The following GOLIM4 variants were observed in gnomAD, a reference collection of about 807,000 sequenced individuals.
GOLIM4 encodes the protein golgi integral membrane protein 4, also known as 130 kDa golgi-localized phosphoprotein.
A neutral mutation model predicts 107.4 loss-of-function variants in GOLIM4; 71 were observed. That is an observed-to-expected ratio of 0.66 (90% CI 0.55 to 0.81). The LOEUF is 0.81. Ranked by LOEUF, GOLIM4 falls within the 30% of genes least tolerant of loss-of-function variation. The pLI is 0.00. For synonymous variants in GOLIM4, 327 were observed against 294.8 expected, an observed-to-expected ratio of 1.11 and a Z score of -1.12; for missense variants, 830 against 826.1, an observed-to-expected ratio of 1.00 and a Z score of -0.06.
Position 168,042,017 on chromosome 3 carries a change from G to C in GOLIM4, c.518-543C>G, listed in dbSNP as rs115269218. 7.9e-3 allele frequency among the ~76,000 whole-genome samples: 1,206 copies of C among 152,102 alleles called. 8 individuals are homozygous for C. The highest frequency in any genetic ancestry group is 0.031 in the Middle Eastern group (9 of 294). Reference sequence around the variant, plus strand: ...ACTTTTTTTGAAATGCTATATTATAGAGAAATGTTGCAAAAAACATATAGA... The same window carrying C: ...ACTTTTTTTGAAATGCTATATTATACAGAAATGTTGCAAAAAACATATAGA... On this transcript the variant is annotated intron_variant, in intron 5 of 15. Coordinates refer to ENST00000470487, the MANE Select transcript of GOLIM4 (RefSeq NM_014498.5).
chr3:168,040,921 C>A (rs778999063), intron 6 of GOLIM4, 52 bp from the exon 7 acceptor site: 4 of 1,188,118 alleles, frequency 3.4e-6, no homozygotes, highest in Non-Finnish European at 5.0e-6. Context: ...ACGACAAATT[C>A]TTCTTTGGCT....
chr3:168,048,238 C>G (rs954210922), intron 2 of GOLIM4, 53 bp downstream of exon 2: 2 of 928,268 alleles, frequency 2.2e-6, no homozygotes, highest in Non-Finnish European at 3.4e-6. Context: ...GTATATGATA[C>G]GTCAAAGAAG....
rs545324409 is a variant in GOLIM4 at position 168,059,582 on chromosome 3, TG to T, written c.188-11218del. Among the ~76,000 whole-genome samples, 373 of 152,318 alleles carry T rather than the reference TG, an allele frequency of 2.4e-3. 3 individuals carry two copies. The highest frequency in any genetic ancestry group is 8.5e-3 in the African/African-American group (353 of 41,562). On this transcript the variant is annotated intron_variant, in intron 1 of 15. Coordinates refer to ENST00000470487, the MANE Select transcript of GOLIM4 (RefSeq NM_014498.5). ...ATATGCCAAGCACTGTTCAGATATA[TG>T]GGGACATACTGTAAGTAAAACATAA...
intron 3 of GOLIM4, 137 bp from the exon 4 acceptor site, chr3:168,045,018 T>C (rs1448511936): frequency 3.7e-6 from 2 of 544,888 alleles, no homozygotes; most frequent in Non-Finnish European, 6.3e-6. Context: ...TGAACCAAGA[T>C]GTCGCTGGAG....
intron 1 of GOLIM4, among the ~76,000 whole-genome samples, chr3:168,087,227 A>G (rs1721674488): frequency 6.6e-6 from 1 of 152,176 alleles, no homozygotes; most frequent in African/African-American, 2.4e-5. Context: ...TAAATGAAAA[A>G]TCTGATTTAC....
At position 168,010,792 on chromosome 3, in the gene GOLIM4, C is replaced by CT; in HGVS notation, c.1891dup (p.Arg631LysfsTer6). 2 of 1,611,934 alleles carry CT rather than the reference C, an allele frequency of 1.2e-6. No homozygotes were observed. Among genetic ancestry groups the CT allele is most frequent in the Non-Finnish European group, 8.5e-7 (1 of 1,178,598 alleles). On this transcript the variant is annotated frameshift_variant, in exon 15 of 16. Transcript: ENST00000470487. LOFTEE classifies it low-confidence loss of function (END_TRUNC). ...CTCTTCAGCATTATGCTCCAGTTCC[C>CT]TTTTTTTCTCTTCAGTCAAATCTTC... is the stretch of plus-strand genomic sequence containing the variant.
At chr3:168,088,631 G>C (rs1176301009) in intron 1 of GOLIM4, among the ~76,000 whole-genome samples, 1 of 152,102 alleles carries the variant, frequency 6.6e-6, no homozygotes, top group Non-Finnish European at 1.5e-5. Context: ...TTTTCTTTTA[G>C]GACATAAAGA....
intron 3 of GOLIM4, among the ~76,000 whole-genome samples, chr3:168,046,200 T>C (rs1447706908): frequency 6.6e-6 from 1 of 152,180 alleles, no homozygotes; most frequent in Non-Finnish European, 1.5e-5. Context: ...CCCCAAAATA[T>C]CAATGTTTTT....
At chr3:168,094,032 T>C (rs903548924) in intron 1 of GOLIM4, among the ~76,000 whole-genome samples, 1 of 152,156 alleles carries the variant, frequency 6.6e-6, no homozygotes, top group Non-Finnish European at 1.5e-5. Context: ...CTGCCAACAT[T>C]TCACCACTTA....
rs1341481572 is a variant in GOLIM4, at chr3:168,029,315, C to T, written c.1434-13G>A. Reference sequence around the variant, plus strand: ...ATGAGCTTGCTGCCTACAAGAGACACAAACATGATAAATCCAGTGGGACAA... The same window carrying T: ...ATGAGCTTGCTGCCTACAAGAGACATAAACATGATAAATCCAGTGGGACAA... On this transcript the variant is annotated splice_polypyrimidine_tract_variant and intron_variant, in intron 10 of 15. Transcript: ENST00000470487. 5 of 1,565,848 alleles carry T rather than the reference C, an allele frequency of 3.2e-6. No homozygotes were observed. The South Asian group carries it at 4.6e-5, about 14-fold the overall frequency.
intron 1 of GOLIM4, among the ~76,000 whole-genome samples, chr3:168,052,431 C>T (rs570267635): frequency 1.3e-5 from 2 of 152,130 alleles, no homozygotes; most frequent in East Asian, 3.9e-4. Flanking sequence ...TATACACACA[C>T]ATATATCTGA....
chr3:168,020,558 T>C (rs1488817034), intron 14 of GOLIM4, among the ~76,000 whole-genome samples: 2 of 152,204 alleles, frequency 1.3e-5, no homozygotes, highest in Non-Finnish European at 1.5e-5. Flanking sequence ...CAAAGAACTA[T>C]TTCCTTGAGT....
At chr3:168,037,480 A>G (rs1277359088) in intron 7 of GOLIM4, among the ~76,000 whole-genome samples, 1 of 152,136 alleles carries the variant, frequency 6.6e-6, no homozygotes, top group Non-Finnish European at 1.5e-5. Context: ...ACAAACACAC[A>G]CACATATAAA....
rs554250847 is a variant in GOLIM4 at position 168,032,448 on chromosome 3, T to G, written c.1176+72A>C. ...TTCTATTTTAGAGATTGTGATATAT[T>G]ACCTTAATATGTAAAAATAAAGCCA... On this transcript the variant is annotated intron_variant, in intron 9 of 15. Coordinates refer to ENST00000470487, the MANE Select transcript of GOLIM4 (RefSeq NM_014498.5). 7.0e-5 allele frequency: 70 copies of G among 1,002,018 alleles called. No individual in the cohort carries two copies. The South Asian group carries it at 9.2e-4, about 13-fold the overall frequency. The allele number at this position is 1,002,018 out of a possible 1,614,324, so 62.1% of individuals were successfully genotyped here. A position where few individuals can be genotyped will look rare whatever the true frequency, so the allele number is the denominator to read the frequency against.
intron 1 of GOLIM4, among the ~76,000 whole-genome samples, chr3:168,071,309 A>G (rs1175177382): frequency 6.6e-6 from 1 of 152,176 alleles, no homozygotes; most frequent in Non-Finnish European, 1.5e-5. Flanking sequence ...ATTTTTTTAA[A>G]TCCATAATGT....
chr3:168,089,984 T>C (rs1049493777), intron 1 of GOLIM4, among the ~76,000 whole-genome samples: 3 of 152,126 alleles, frequency 2.0e-5, no homozygotes, highest in African/African-American at 7.2e-5. Flanking sequence ...GCCAGGCTGG[T>C]CTCAAACTCC....
chr3:168,039,353 C>G (rs1192401065), intron 7 of GOLIM4, among the ~76,000 whole-genome samples: 1 of 151,526 alleles, frequency 6.6e-6, no homozygotes, highest in Non-Finnish European at 1.5e-5. Flanking sequence ...GCCTCCGCCC[C>G]GCTGGGTTCC....
At chr3:168,039,284 A>G (rs1577527924) in intron 7 of GOLIM4, among the ~76,000 whole-genome samples, 1 of 145,230 alleles carries the variant, frequency 6.9e-6, no homozygotes, top group Admixed American at 6.9e-5. Flanking sequence ...TTTTTTTGAG[A>G]TGGAGTCTTG....
intron 1 of GOLIM4, among the ~76,000 whole-genome samples, chr3:168,050,822 T>TATCATAATAATA (rs1553800114): frequency 7.3e-6 from 1 of 136,320 alleles, no homozygotes; most frequent in African/African-American, 2.8e-5. Context: ...TAGCAACACC[T>TATCATAATAATA]ATAATAATAA....
Sources: gnomAD v4.1 joint callset for allele counts (sites outside exome capture counted in the v4.1 genomes callset) on GRCh38, gnomAD v4.1.1 for gene constraint, MANE v1.5 for transcripts, NCBI Gene and HGNC (gene_info 2026-07-23, HGNC 2026-07-21) for gene names.